LRRTM3: variants seen among roughly 807,000 people sequenced by gnomAD.
The protein encoded by LRRTM3 is leucine-rich repeat transmembrane neuronal protein 3.
Under a neutral mutation model 44.7 loss-of-function variants are expected in LRRTM3, and 24 were observed. The ratio of observed to expected loss-of-function variants is 0.54; its 90% CI spans 0.39 to 0.76. The LOEUF is 0.76. LRRTM3 is among the 30% of genes least tolerant of loss of function. The pLI is 0.00. For synonymous variants in LRRTM3, 277 were observed against 278.7 expected (o/e 0.99, Z 0.06); for missense variants, 587 against 702.2 (o/e 0.84, Z 1.85).
intron 2 of LRRTM3, among the ~76,000 whole-genome samples, chr10:66,994,383 A>G (rs1056320268): frequency 4.6e-5 from 7 of 152,226 alleles, no homozygotes; most frequent in African/African-American, 1.7e-4. Flanking sequence ...TGTGGAACAA[A>G]TTAGCTCACT....
chr10:67,040,659 G>T (rs1033624762), intron 2 of LRRTM3, among the ~76,000 whole-genome samples: 1 of 152,078 alleles, frequency 6.6e-6, no homozygotes, highest in Non-Finnish European at 1.5e-5. Context: ...TTAAGATGAT[G>T]ACACTGATGG....
intron 2 of LRRTM3, among the ~76,000 whole-genome samples, chr10:67,051,088 A>T (rs1440750661): frequency 6.6e-6 from 1 of 152,246 alleles, no homozygotes; most frequent in Non-Finnish European, 1.5e-5. Flanking sequence ...GATACAAATT[A>T]ACCAATAAAA....
intron 2 of LRRTM3, among the ~76,000 whole-genome samples, chr10:67,060,876 C>G (rs1443618630): frequency 1.3e-5 from 2 of 152,164 alleles, no homozygotes; most frequent in African/African-American, 4.8e-5. Flanking sequence ...ATGACTTTAA[C>G]TAGTTTTTTT....
chr10:66,927,972 C>G lies in LRRTM3; in HGVS notation c.1056C>G (p.Ile352Met), dbSNP rs1847166407. The change falls in exon 2 of 3, where the codon ATC (isoleucine) becomes ATG (methionine). Residue 352 changes from isoleucine (I) to methionine (M), a missense_variant. Around this residue, in one of 3 missense-constraint regions of LRRTM3, gnomAD observed 315 missense variants for 335.6 expected, o/e 0.94. Coordinates refer to ENST00000361320, the MANE Select transcript of LRRTM3 (RefSeq NM_178011.5). The surrounding 1 kb of genome is among the most constrained non-coding windows in gnomAD (Gnocchi z 4.7). ...SPKELQGVNV[I>M]DAVKNYSICG... ...AAGAGCTGCAAGGAGTAAATGTGATCGATGCAGTGAAGAACTACAGCATCT... is the reference window on the plus strand; with the variant it reads ...AAGAGCTGCAAGGAGTAAATGTGATGGATGCAGTGAAGAACTACAGCATCT... 1 of 1,614,160 alleles carries G rather than the reference C, an allele frequency of 6.2e-7. No individual in the cohort carries two copies. The highest frequency in any genetic ancestry group is 2.2e-5 in the East Asian group (1 of 44,880).
chr10:66,942,622 GTC>G (rs1344040248), intron 2 of LRRTM3, among the ~76,000 whole-genome samples: 3 of 151,414 alleles, frequency 2.0e-5, no homozygotes, highest in Admixed American at 1.3e-4. Context: ...GTGTGCATGT[GTC>G]TCTCTCTTTC....
intron 2 of LRRTM3, among the ~76,000 whole-genome samples, chr10:66,984,815 A>G (rs1379187319): frequency 6.6e-6 from 1 of 152,180 alleles, no homozygotes; most frequent in Non-Finnish European, 1.5e-5. Context: ...CACAAAACTC[A>G]CAAATAAACA....
At chr10:67,095,564 GCA>G (rs371792538) in intron 2 of LRRTM3, among the ~76,000 whole-genome samples, 3 of 151,272 alleles carry the variant, frequency 2.0e-5, no homozygotes, top group Admixed American at 6.6e-5. Context: ...AATTGTGTGT[GCA>G]CACACACACA....
chr10:67,069,562 A>ACCCCG (rs1564869799), intron 2 of LRRTM3, among the ~76,000 whole-genome samples: 29 of 23,216 alleles, frequency 1.2e-3, no homozygotes, highest in African/African-American at 4.8e-3. Flanking sequence ...AGCCCGCCCC[A>ACCCCG]CCCCACCCCA....
intron 2 of LRRTM3, among the ~76,000 whole-genome samples, chr10:67,039,270 AGAAATCCT>A (rs750903941): frequency 3.9e-5 from 6 of 152,170 alleles, no homozygotes; most frequent in Non-Finnish European, 8.8e-5. Flanking sequence ...AGCAGCTGTT[AGAAATCCT>A]GAATATTATA....
intron 2 of LRRTM3, among the ~76,000 whole-genome samples, chr10:66,930,433 G>T (rs978122003): frequency 6.6e-6 from 1 of 152,112 alleles, no homozygotes; most frequent in Admixed American, 6.6e-5. Context: ...TAAAGCATCA[G>T]TAAATACATA....
chr10:67,078,524 T>C (rs1856858053), intron 2 of LRRTM3, among the ~76,000 whole-genome samples: 1 of 152,078 alleles, frequency 6.6e-6, no homozygotes, highest in African/African-American at 2.4e-5. Flanking sequence ...TTTTTATTAT[T>C]ATTATTATTT....
intron 2 of LRRTM3, among the ~76,000 whole-genome samples, chr10:66,998,841 A>G (rs905346695): frequency 6.6e-6 from 1 of 152,140 alleles, no homozygotes; most frequent in Admixed American, 6.6e-5. Context: ...CAAATAATGC[A>G]ACTAAGAAGT....
chr10:66,930,415 A>C (rs149535348), intron 2 of LRRTM3, among the ~76,000 whole-genome samples: 42 of 152,296 alleles, frequency 2.8e-4, no homozygotes, highest in Non-Finnish European at 4.7e-4. Flanking sequence ...GTAACTTTAC[A>C]TTTTTCATAA....
At chr10:66,950,200 TG>T (rs1170062469) in intron 2 of LRRTM3, among the ~76,000 whole-genome samples, 1 of 152,198 alleles carries the variant, frequency 6.6e-6, no homozygotes, top group African/African-American at 2.4e-5. Flanking sequence ...AACTATTTTC[TG>T]ATACAACCAA....
chr10:67,092,039 A>G (rs1857674843), intron 2 of LRRTM3, among the ~76,000 whole-genome samples: 2 of 151,864 alleles, frequency 1.3e-5, no homozygotes, highest in African/African-American at 4.8e-5. Context: ...GTAAGAAAAT[A>G]CGCCTCTGAA....
intron 2 of LRRTM3, among the ~76,000 whole-genome samples, chr10:67,063,364 G>A (rs907529195): frequency 3.3e-5 from 5 of 152,300 alleles, no homozygotes; most frequent in African/African-American, 1.2e-4. Flanking sequence ...ACTAGATAAA[G>A]CTGAATGTGA....
At chr10:66,993,174 T>C (rs987993113) in intron 2 of LRRTM3, among the ~76,000 whole-genome samples, 9 of 152,164 alleles carry the variant, frequency 5.9e-5, no homozygotes, top group African/African-American at 2.2e-4. Context: ...GCTGGGGTTT[T>C]CAACTAAAGC....
intron 2 of LRRTM3, among the ~76,000 whole-genome samples, chr10:66,942,829 C>G (rs1848079209): frequency 6.6e-6 from 1 of 152,108 alleles, no homozygotes; most frequent in Non-Finnish European, 1.5e-5. Flanking sequence ...GAAGAAAACA[C>G]AATATCAATA....
At chr10:67,068,665 T>C (rs991661906) in intron 2 of LRRTM3, among the ~76,000 whole-genome samples, 1 of 152,106 alleles carries the variant, frequency 6.6e-6, no homozygotes, top group Non-Finnish European at 1.5e-5. Flanking sequence ...GGAGAGAGTT[T>C]TAATAAAATG....
Sources: gnomAD v4.1 joint callset for allele counts (sites outside exome capture counted in the v4.1 genomes callset) on GRCh38, gnomAD v4.1.1 for gene constraint, gnomAD v4.1.1 regional missense constraint, Gnocchi (gnomAD v3.1) non-coding constraint, MANE v1.5 for transcripts, NCBI Gene and HGNC (gene_info 2026-07-23, HGNC 2026-07-21) for gene names.